MAGI2: variants seen among roughly 807,000 people sequenced by gnomAD.
MAGI2 encodes the protein membrane associated guanylate kinase, WW and PDZ domain containing 2.
MAGI2 carries 35 observed loss-of-function variants against 133.3 expected under a neutral mutation model. The ratio of observed to expected loss-of-function variants is 0.26; its 90% confidence interval spans 0.20 to 0.35. The LOEUF (loss-of-function observed/expected upper bound fraction) is 0.35. MAGI2 is among the 10% of genes least tolerant of loss of function. MAGI2 has a pLI of 1.00. For synonymous variants in MAGI2, 729 were observed against 710.6 expected (o/e 1.03, Z -0.41); for missense variants, 1,636 against 1,863.4 (o/e 0.88, Z 2.25).
intron 3 of MAGI2, among the ~76,000 whole-genome samples, chr7:78,558,672 T>C (rs931171556): frequency 6.6e-6 from 1 of 152,100 alleles, no homozygotes; most frequent in African/African-American, 2.4e-5. Context: ...TGGGTCCTTA[T>C]AATCACCTAA....
At chr7:78,797,974 C>T (rs1477776640) in intron 2 of MAGI2, among the ~76,000 whole-genome samples, 1 of 152,048 alleles carries the variant, frequency 6.6e-6, no homozygotes, top group Admixed American at 6.6e-5. Context: ...TGCAAAGGAA[C>T]AGGGTCACAC....
At chr7:78,116,633 C>T (rs902802805) in intron 20 of MAGI2, among the ~76,000 whole-genome samples, 2 of 152,088 alleles carry the variant, frequency 1.3e-5, no homozygotes, top group Non-Finnish European at 2.9e-5. Context: ...AATCCTAGCA[C>T]TTTGGGAGGC....
At chr7:78,697,805 A>G (rs1459545901) in intron 2 of MAGI2, among the ~76,000 whole-genome samples, 1 of 152,042 alleles carries the variant, frequency 6.6e-6, no homozygotes, top group Non-Finnish European at 1.5e-5. Flanking sequence ...TTATGTCTAC[A>G]TTGCCTTTCC....
chr7:78,124,681 GACACACACACACACACAA>G (rs1820793354), intron 20 of MAGI2, among the ~76,000 whole-genome samples: 1 of 150,468 alleles, frequency 6.6e-6, no homozygotes, highest in Non-Finnish European at 1.5e-5. Context: ...TTCATACACC[GACACACACACACACACAA>G]ACACACAGAG....
At chr7:78,626,396 T>G (rs1221797032) in intron 3 of MAGI2, among the ~76,000 whole-genome samples, 2 of 152,186 alleles carry the variant, frequency 1.3e-5, no homozygotes, top group Non-Finnish European at 2.9e-5. Flanking sequence ...ATCATTCCAC[T>G]TTTACAGATG....
At chr7:78,613,618 G>T (rs78301261) in intron 3 of MAGI2, among the ~76,000 whole-genome samples, 3 of 152,112 alleles carry the variant, frequency 2.0e-5, no homozygotes, top group African/African-American at 7.2e-5. Context: ...AACAAAACAC[G>T]TGAAAGCCTA....
chr7:78,867,446 A>T (rs1655200414), intron 2 of MAGI2, among the ~76,000 whole-genome samples: 2 of 151,646 alleles, frequency 1.3e-5, no homozygotes, highest in Non-Finnish European at 2.9e-5. Context: ...AAGAACAAAA[A>T]AACCAAACAC....
chr7:78,698,932 G>A (rs1011132602), intron 2 of MAGI2, among the ~76,000 whole-genome samples: 6 of 152,154 alleles, frequency 3.9e-5, no homozygotes, highest in African/African-American at 1.4e-4. Flanking sequence ...AAATTTGGGT[G>A]GGAACACAGC....
intron 6 of MAGI2, among the ~76,000 whole-genome samples, chr7:78,473,546 T>C (rs1442737599): frequency 6.6e-6 from 1 of 152,116 alleles, no homozygotes; most frequent in Non-Finnish European, 1.5e-5. Flanking sequence ...TTTCTCTCTC[T>C]CTGGTATGAC....
intron 2 of MAGI2, among the ~76,000 whole-genome samples, chr7:78,909,748 C>T (rs1456869148): frequency 6.6e-6 from 1 of 151,958 alleles, no homozygotes; most frequent in African/African-American, 2.4e-5. Context: ...GGACCTAGAA[C>T]CAGAAACACT....
chr7:78,648,918 T>C (rs954452867), intron 2 of MAGI2, among the ~76,000 whole-genome samples: 1 of 152,166 alleles, frequency 6.6e-6, no homozygotes. Context: ...AGAAACTTGT[T>C]ACATTGCAGG....
intron 1 of MAGI2, among the ~76,000 whole-genome samples, chr7:79,370,443 C>T (rs1842977847): frequency 6.6e-6 from 1 of 151,460 alleles, no homozygotes; most frequent in Non-Finnish European, 1.5e-5. Context: ...ATGTAAGTAA[C>T]AAAAAAAATG....
intron 6 of MAGI2, among the ~76,000 whole-genome samples, chr7:78,418,567 C>T (rs1217632832): frequency 6.6e-6 from 1 of 152,226 alleles, no homozygotes; most frequent in Admixed American, 6.5e-5. Flanking sequence ...ATGGCCAGTG[C>T]AAATGAGAAA....
At chr7:78,630,088 C>A (rs930526203) in intron 2 of MAGI2, among the ~76,000 whole-genome samples, 1 of 152,032 alleles carries the variant, frequency 6.6e-6, no homozygotes. Flanking sequence ...CACCACCCAG[C>A]CCCTGGAAGC....
chr7:78,405,860 A>C (rs1173570434), intron 6 of MAGI2, among the ~76,000 whole-genome samples: 1 of 152,022 alleles, frequency 6.6e-6, no homozygotes, highest in South Asian at 2.1e-4. Context: ...TCTACAAAAA[A>C]CAATAAGCCT....
chr7:78,397,338 A>G (rs912788042), intron 6 of MAGI2, among the ~76,000 whole-genome samples: 1 of 150,328 alleles, frequency 6.7e-6, no homozygotes, highest in Non-Finnish European at 1.5e-5. Flanking sequence ...GTGAAAGTAA[A>G]AATGTATAAT....
At chr7:78,282,812 TGGGA>T (rs1338528323) in intron 9 of MAGI2, among the ~76,000 whole-genome samples, 2 of 151,764 alleles carry the variant, frequency 1.3e-5, no homozygotes, top group African/African-American at 4.8e-5. Flanking sequence ...TCATGAGGGG[TGGGA>T]GGGTCACAAT....
At chr7:78,715,854 G>GTATTTGTATTTTCT (rs60949855) in intron 2 of MAGI2, among the ~76,000 whole-genome samples, 1 of 151,224 alleles carries the variant, frequency 6.6e-6, no homozygotes, top group African/African-American at 2.4e-5. Context: ...CAAAATATAA[G>GTATTTGTATTTTCT]TCCTACACAG....
At chr7:78,804,468 G>T (rs1049674318) in intron 2 of MAGI2, among the ~76,000 whole-genome samples, 1 of 151,698 alleles carries the variant, frequency 6.6e-6, no homozygotes, top group East Asian at 1.9e-4. Flanking sequence ...AAAACTTTGG[G>T]CCAGGCACGG....
Sources: allele counts gnomAD v4.1 joint callset (sites outside exome capture counted in the v4.1 genomes callset), GRCh38; gene constraint gnomAD v4.1.1; transcripts MANE v1.5; gene names NCBI Gene and HGNC (gene_info 2026-07-23, HGNC 2026-07-21).